ERC1: variants seen among roughly 807,000 people sequenced by gnomAD.
ERC1 encodes the protein RAB6 interacting protein 2.
ERC1 carries 56 observed loss-of-function variants against 132.0 expected under a neutral mutation model. The observed-to-expected ratio is 0.42, with a 90% CI of 0.34 to 0.53. The LOEUF is 0.53. Ranked by LOEUF, ERC1 falls within the 20% of genes least tolerant of loss-of-function variation. ERC1 has a pLI of 0.03. For synonymous variants in ERC1, 478 were observed against 476.1 expected (o/e 1.00, Z -0.05); for missense variants, 1,202 against 1,349.9 (o/e 0.89, Z 1.72).
chr12:1,441,383 T>C (rs1055516122), intron 17 of ERC1, among the ~76,000 whole-genome samples: 31 of 152,140 alleles, frequency 2.0e-4, no homozygotes, highest in African/African-American at 7.2e-4. Flanking sequence ...TTATTAAGAA[T>C]AAGGATCTAA....
At chr12:1,169,260 T>C (rs1182763155) in intron 8 of ERC1, among the ~76,000 whole-genome samples, 1 of 152,206 alleles carries the variant, frequency 6.6e-6, no homozygotes, top group Non-Finnish European at 1.5e-5. Flanking sequence ...CCCAGATCGC[T>C]GGAAGTGTTA....
At chr12:1,104,622 TA>T in intron 3 of ERC1, 127 bp from the exon 4 acceptor site, 1 of 665,400 alleles carries the variant, frequency 1.5e-6, no homozygotes, top group Non-Finnish European at 2.7e-6. Flanking sequence ...GAAAGGTTGG[TA>T]ACACAGAAGG....
Position 1,298,521 on chromosome 12 carries a change from C to T in ERC1, c.2780+8509C>T, listed in dbSNP as rs546322888. ...TGGCGCCACTGCACTCCAGCCTGGACGACAGAACGAGACTCTGTCACAAAA... is the reference window on the plus strand; with the variant it reads ...TGGCGCCACTGCACTCCAGCCTGGATGACAGAACGAGACTCTGTCACAAAA... On this transcript the variant is annotated intron_variant, in intron 15 of 18. Coordinates refer to ENST00000360905, the MANE Select transcript of ERC1 (RefSeq NM_178040.4). Among the ~76,000 whole-genome samples, 6 of 137,772 alleles carry T rather than the reference C, an allele frequency of 4.4e-5. No individual in the cohort carries two copies. The South Asian group carries it at 6.7e-4, about 15-fold the overall frequency. 90.4% of individuals were successfully genotyped at this position (137,772 alleles called of 152,430 possible).
intron 17 of ERC1, among the ~76,000 whole-genome samples, chr12:1,417,003 T>TG (rs1294191189): frequency 1.3e-5 from 2 of 152,146 alleles, no homozygotes; most frequent in African/African-American, 4.8e-5. Context: ...ATGGGAGTAT[T>TG]GAATAAGAGT....
chr12:1,238,655 C>T (rs1303481205), intron 13 of ERC1, among the ~76,000 whole-genome samples: 1 of 152,050 alleles, frequency 6.6e-6, no homozygotes, highest in Non-Finnish European at 1.5e-5. Context: ...TATGATAAGG[C>T]AAGCCTCTCT....
chr12:1,475,546 G>T (rs2093953314), intron 18 of ERC1, among the ~76,000 whole-genome samples: 1 of 152,144 alleles, frequency 6.6e-6, no homozygotes, highest in Non-Finnish European at 1.5e-5. Flanking sequence ...AGAAAGATGT[G>T]TAGGAAGTAA....
In ERC1 at chr12:1,433,134, A is replaced by G. The variant is rs115786423; in HGVS notation, c.3025-11428A>G. ...CCAAAGAAATGTTTAGGTAGATGCA[A>G]TTCTTAGTTAAGATTATAAGATGCA... On this transcript the variant is annotated intron_variant, in intron 17 of 18. Coordinates refer to ENST00000360905, the MANE Select transcript of ERC1 (RefSeq NM_178040.4). 4.4e-3 allele frequency among the ~76,000 whole-genome samples: 666 copies of G among 152,342 alleles called. 8 individuals carry two copies. The highest frequency in any genetic ancestry group is 0.014 in the African/African-American group (598 of 41,586).
chr12:1,035,765 AC>A (rs1340367882), intron 2 of ERC1, among the ~76,000 whole-genome samples: 1 of 152,040 alleles, frequency 6.6e-6, no homozygotes, highest in African/African-American at 2.4e-5. Context: ...TACTAAAAAT[AC>A]AAAAAATTAG....
chr12:1,340,620 C>T (rs1221614757), intron 15 of ERC1, among the ~76,000 whole-genome samples: 1 of 152,136 alleles, frequency 6.6e-6, no homozygotes, highest in Non-Finnish European at 1.5e-5. Context: ...GCAGCGTTCC[C>T]AGCATCCTCC....
At chr12:996,688 G>C (rs1251380211) in intron 1 of ERC1, among the ~76,000 whole-genome samples, 2 of 152,134 alleles carry the variant, frequency 1.3e-5, no homozygotes, top group African/African-American at 4.8e-5. Context: ...TTAATTTTAT[G>C]TACACTTATT....
chr12:1,154,673 A>G (rs2154257009), intron 8 of ERC1, among the ~76,000 whole-genome samples: 1 of 152,250 alleles, frequency 6.6e-6, no homozygotes, highest in Non-Finnish European at 1.5e-5. Context: ...ATTCAACAAA[A>G]TATTAATATC....
rs1396122586 is a variant in ERC1, at chr12:1,309,922, A to ATTTGT, written c.2780+19914_2780+19918dup. ...TGTAATAGTACCTAGTGCTGAGGGGATTTGTTTTCTTTTGTTTTGTTTTGT... is the reference window on the plus strand; with the variant it reads ...TGTAATAGTACCTAGTGCTGAGGGGATTTGTTTTGTTTTCTTTTGTTTTGTTTTGT... On this transcript the variant is annotated intron_variant, in intron 15 of 18. Transcript: ENST00000360905. Among the ~76,000 whole-genome samples, 640 of 149,644 alleles carry ATTTGT rather than the reference A, an allele frequency of 4.3e-3. 10 individuals are homozygous for ATTTGT. The highest frequency in any genetic ancestry group is 0.015 in the African/African-American group (603 of 40,732).
chr12:1,134,335 AG>A (rs1425736583), intron 7 of ERC1, among the ~76,000 whole-genome samples: 4 of 151,682 alleles, frequency 2.6e-5, no homozygotes, highest in African/African-American at 9.7e-5. Context: ...GTTATTTAAA[AG>A]CTGTTCTAAT....
At position 1,236,755 on chromosome 12, in the gene ERC1, C is replaced by A. The variant is rs1210892935; in HGVS notation, c.2352-14C>A. On this transcript the variant is annotated splice_polypyrimidine_tract_variant and intron_variant, in intron 12 of 18. Transcript: ENST00000360905. ...TACATATGCAAAGCTTGATTTTTCT[C>A]CTTCTGTCATTAGGCAAGTGAAAGA... 9 of 1,610,320 alleles carry A rather than the reference C, an allele frequency of 5.6e-6. No individual in the cohort carries two copies. Among genetic ancestry groups the A allele is most frequent in the Non-Finnish European group, 6.8e-6 (8 of 1,178,118 alleles).
intron 11 of ERC1, among the ~76,000 whole-genome samples, chr12:1,184,255 C>T (rs1313795812): frequency 6.6e-6 from 1 of 151,218 alleles, no homozygotes; most frequent in Non-Finnish European, 1.5e-5. Context: ...GATTTTATCT[C>T]ATTTTGGAGA....
intron 1 of ERC1, among the ~76,000 whole-genome samples, chr12:1,011,986 G>A (rs16932131): frequency 6.6e-6 from 1 of 151,760 alleles, no homozygotes; most frequent in Non-Finnish European, 1.5e-5. Context: ...TGTTATAAAC[G>A]TTTTTTAAAT....
intron 17 of ERC1, among the ~76,000 whole-genome samples, chr12:1,438,954 A>AAAAAAAAATATATATATATATATATAT (rs1015181197): frequency 7.0e-6 from 1 of 143,492 alleles, no homozygotes; most frequent in African/African-American, 2.6e-5. Flanking sequence ...TTTAAAAAAA[A>AAAAAAAAATATATATATATATATATAT]ATATATATAT....
At chr12:992,204 C>G (rs1052652398) in intron 1 of ERC1, among the ~76,000 whole-genome samples, 1 of 152,098 alleles carries the variant, frequency 6.6e-6, no homozygotes, top group Non-Finnish European at 1.5e-5. Flanking sequence ...TTTATACCAC[C>G]CTTTTACAGG....
intron 8 of ERC1, among the ~76,000 whole-genome samples, chr12:1,142,225 A>AG (rs1322174917): frequency 1.3e-5 from 2 of 152,164 alleles, no homozygotes; most frequent in East Asian, 3.8e-4. Context: ...AGCAAAAAAA[A>AG]TGTGTGTGTG....
Sources: gnomAD v4.1 joint callset for allele counts (sites outside exome capture counted in the v4.1 genomes callset) on GRCh38, gnomAD v4.1.1 for gene constraint, MANE v1.5 for transcripts, NCBI Gene and HGNC (gene_info 2026-07-23, HGNC 2026-07-21) for gene names.